Variants in FHOD3 observed in about 807,000 individuals in gnomAD.
FHOD3 encodes formin homology 2 domain containing 3, also known as FH1/FH2 domain-containing protein 3.
In FHOD3, 90 loss-of-function variants were observed where a neutral mutation model predicts 173.0. The observed-to-expected ratio is 0.52, with a 90% CI of 0.44 to 0.62. The LOEUF is 0.62. FHOD3 is among the 20% of genes least tolerant of loss of function. The probability of loss-of-function intolerance (pLI) is 0.00; values close to 1 mark genes in which losing one functional copy is unlikely to be tolerated. For synonymous variants in FHOD3, 828 were observed against 823.0 expected, an observed-to-expected ratio of 1.01 and a Z score of -0.10; for missense variants, 1,945 against 2,034.7, an observed-to-expected ratio of 0.96 and a Z score of 0.85.
At chr18:36,516,835 C>T (rs1467319591) in intron 5 of FHOD3, among the ~76,000 whole-genome samples, 1 of 152,206 alleles carries the variant, frequency 6.6e-6, no homozygotes, top group East Asian at 1.9e-4. Flanking sequence ...AGTGTGCCCT[C>T]ATGAAGCCAC....
chr18:36,580,886 G>A (rs2058825846), intron 6 of FHOD3, among the ~76,000 whole-genome samples: 1 of 152,204 alleles, frequency 6.6e-6, no homozygotes, highest in Admixed American at 6.5e-5. Context: ...TCTTAACCTG[G>A]AAAGGTTACC....
At chr18:36,389,337 G>T (rs1247798213) in intron 3 of FHOD3, among the ~76,000 whole-genome samples, 1 of 152,182 alleles carries the variant, frequency 6.6e-6, no homozygotes, top group East Asian at 1.9e-4. Flanking sequence ...CCCCGCCATT[G>T]TGGTGCCTTT....
At chr18:36,776,400 C>G (rs1344103201) in intron 28 of FHOD3, among the ~76,000 whole-genome samples, 2 of 152,132 alleles carry the variant, frequency 1.3e-5, no homozygotes, top group Admixed American at 1.3e-4. Context: ...TGACCAAACA[C>G]CCAAAGGGGC....
At chr18:36,555,392 A>G (rs933124997) in intron 5 of FHOD3, among the ~76,000 whole-genome samples, 2 of 151,802 alleles carry the variant, frequency 1.3e-5, no homozygotes, top group Admixed American at 6.6e-5. Flanking sequence ...GTGGTAAAAA[A>G]AAAAACAAAA....
rs2045613198 is a variant in FHOD3 at position 36,341,433 on chromosome 18, G to A, written c.166-14106G>A. Among the ~76,000 whole-genome samples, 5 of 152,232 alleles carry A rather than the reference G, an allele frequency of 3.3e-5. No individual in the cohort carries two copies. In the South Asian group the frequency reaches 1.0e-3, roughly 32 times the overall value. On this transcript the variant is annotated intron_variant, in intron 1 of 28. Transcript: ENST00000590592. ...CCCAGAAAAAAAGGAGACTCAGTGA[G>A]GTCAGACTCATTAAGTCTGATATTC...
chr18:36,620,616 C>G (rs2033627702), intron 9 of FHOD3, among the ~76,000 whole-genome samples: 1 of 152,222 alleles, frequency 6.6e-6, no homozygotes. Context: ...TCAGTAGGTG[C>G]TTGAATGAAG....
intron 6 of FHOD3, among the ~76,000 whole-genome samples, chr18:36,593,890 G>A (rs994639004): frequency 6.6e-6 from 1 of 152,222 alleles, no homozygotes; most frequent in Non-Finnish European, 1.5e-5. Context: ...ACAGCCCGAG[G>A]CAACCTTGCT....
chr18:36,341,110 T>C (rs1295714307), intron 1 of FHOD3, among the ~76,000 whole-genome samples: 1 of 152,218 alleles, frequency 6.6e-6, no homozygotes, highest in Non-Finnish European at 1.5e-5. Context: ...GGCAAGTTAT[T>C]TGGCCAAATT....
At chr18:36,712,578 A>C (rs1247344685) in intron 18 of FHOD3, among the ~76,000 whole-genome samples, 3 of 152,200 alleles carry the variant, frequency 2.0e-5, no homozygotes, top group African/African-American at 4.8e-5. Context: ...TCTGAATGAC[A>C]GAAAAAAAGA....
At chr18:36,342,919 G>C (rs2045695647) in intron 1 of FHOD3, among the ~76,000 whole-genome samples, 1 of 152,162 alleles carries the variant, frequency 6.6e-6, no homozygotes, top group African/African-American at 2.4e-5. Context: ...TACATGACAA[G>C]ATGATCAAAA....
chr18:36,538,823 T>G (rs535920195), intron 5 of FHOD3, among the ~76,000 whole-genome samples: 1 of 152,324 alleles, frequency 6.6e-6, no homozygotes, highest in Non-Finnish European at 1.5e-5. Flanking sequence ...GTGTTCTTTG[T>G]GGCGATGGAA....
chr18:36,753,339 A>G (rs2150180933), intron 24 of FHOD3, among the ~76,000 whole-genome samples: 1 of 152,326 alleles, frequency 6.6e-6, no homozygotes, highest in South Asian at 2.1e-4. Context: ...ATTCCAGTGT[A>G]ACTAGAGTCA....
chr18:36,764,751 A>G (rs951603504), intron 27 of FHOD3, among the ~76,000 whole-genome samples: 32 of 152,222 alleles, frequency 2.1e-4, no homozygotes, highest in African/African-American at 6.5e-4. Context: ...TCTGCACATT[A>G]ATGCCAATCT....
intron 3 of FHOD3, among the ~76,000 whole-genome samples, chr18:36,378,596 CAAAA>C (rs764259858): frequency 4.9e-4 from 54 of 111,326 alleles, no homozygotes; most frequent in South Asian, 8.9e-4. Flanking sequence ...CCCTCTGCCA[CAAAA>C]AAAAAAAAAA....
At chr18:36,682,606 A>G (rs1568600780) in intron 15 of FHOD3, among the ~76,000 whole-genome samples, 2 of 152,106 alleles carry the variant, frequency 1.3e-5, no homozygotes, top group African/African-American at 4.8e-5. Flanking sequence ...TTTTTGAGAC[A>G]GAGTCTCACT....
At chr18:36,451,370 A>G (rs979960497) in intron 3 of FHOD3, among the ~76,000 whole-genome samples, 1 of 152,242 alleles carries the variant, frequency 6.6e-6, no homozygotes, top group East Asian at 1.9e-4. Flanking sequence ...AGCCAGTACC[A>G]GTTAAAGAAA....
At chr18:36,576,591 C>A in intron 6 of FHOD3, 46 bp downstream of exon 6, 1 of 1,443,458 alleles carries the variant, frequency 6.9e-7, no homozygotes, top group Non-Finnish European at 9.6e-7. Context: ...TGTCATATCA[C>A]TTGCCTTTCT....
Position 36,709,292 on chromosome 18 carries a change from A to G in FHOD3, c.2434A>G (p.Asn812Asp). Residue 812 changes from asparagine to aspartate, a missense_variant, in exon 18 of 29, where the codon AAC (asparagine) becomes GAC (aspartate). Physicochemically the swap from Asn to Asp is conservative, Grantham distance 23. Around this residue, in one of 5 missense-constraint regions of FHOD3, gnomAD observed 1,099 missense variants for 1,051.2 expected, o/e 1.05. Transcript: ENST00000590592. ...AAAAGAGAGGCAGAACGAGGGGGTG[A>G]ACGAGAGGGACAACTGCTCTGCCTC... is the stretch of plus-strand genomic sequence containing the variant. ...SEKERQNEGVNERDNCSASSV... is the reference protein window; with the variant it reads ...SEKERQNEGVDERDNCSASSV... 2.5e-6 allele frequency: 4 copies of G among 1,614,246 alleles called. No homozygotes were observed. The highest frequency in any genetic ancestry group is 3.4e-6 in the Non-Finnish European group (4 of 1,180,046).
intron 18 of FHOD3, 70 bp downstream of exon 18, chr18:36,709,461 G>A: frequency 1.3e-6 from 2 of 1,507,698 alleles, no homozygotes; most frequent in Admixed American, 2.0e-5. Context: ...GGTTCTCTAA[G>A]AGCTTGTCCA....
Sources: gnomAD v4.1 joint callset for allele counts (sites outside exome capture counted in the v4.1 genomes callset) on GRCh38, gnomAD v4.1.1 for gene constraint, gnomAD v4.1.1 regional missense constraint, MANE v1.5 for transcripts, NCBI Gene and HGNC (gene_info 2026-07-23, HGNC 2026-07-21) for gene names.